Variants in SCHIP1 observed in about 807,000 individuals in gnomAD.
SCHIP1 encodes schwannomin interacting protein 1.
SCHIP1 carries 8 observed loss-of-function variants against 29.7 expected under a neutral mutation model. The observed-to-expected ratio is 0.27, with a 90% CI of 0.16 to 0.49. The LOEUF (loss-of-function observed/expected upper bound fraction) is 0.49. SCHIP1 is among the 20% of genes least tolerant of loss of function. SCHIP1 has a pLI of 0.99. For missense variants in SCHIP1, 193 were observed against 294.6 expected (o/e 0.66, Z 2.52); for synonymous variants, 76 against 94.9 (o/e 0.80, Z 1.16).
At chr3:159,465,603 G>A in the SCHIP1 span, among the ~76,000 whole-genome samples, 2 of 152,032 alleles carry the variant, frequency 1.3e-5, no homozygotes, top group African/African-American at 4.8e-5. Flanking sequence ...CTAAGGCAAA[G>A]CAAAGGTCAG....
chr3:159,827,301 T>C, the SCHIP1 span, among the ~76,000 whole-genome samples: 11 of 152,314 alleles, frequency 7.2e-5, no homozygotes, highest in South Asian at 2.1e-3. Flanking sequence ...AATTTCATTA[T>C]AACTAATAGC....
chr3:159,606,732 C>T, the SCHIP1 span, among the ~76,000 whole-genome samples: 4 of 152,052 alleles, frequency 2.6e-5, no homozygotes, highest in Admixed American at 6.6e-5. Flanking sequence ...TATAATCATG[C>T]GATAATACAG....
chr3:159,311,122 G>A, the SCHIP1 span, among the ~76,000 whole-genome samples: 10 of 152,124 alleles, frequency 6.6e-5, no homozygotes, highest in South Asian at 2.1e-4. Flanking sequence ...TTTAAATGAA[G>A]CTATTTTAAG....
the SCHIP1 span, among the ~76,000 whole-genome samples, chr3:159,354,649 G>T: frequency 2.0e-5 from 3 of 152,146 alleles, no homozygotes; most frequent in African/African-American, 7.2e-5. Context: ...CATCGAAGAA[G>T]GACTGATGAT....
the SCHIP1 span, among the ~76,000 whole-genome samples, chr3:159,773,745 G>GTA: frequency 1.2e-3 from 188 of 152,304 alleles, 1 homozygote; most frequent in African/African-American, 4.4e-3. Flanking sequence ...TCATCACTGT[G>GTA]TATATTTCTA....
chr3:159,430,171 A>T, the SCHIP1 span, among the ~76,000 whole-genome samples: 48 of 152,322 alleles, frequency 3.2e-4, no homozygotes, highest in African/African-American at 1.1e-3. Flanking sequence ...AGAAATGGGC[A>T]TCTGATTAGG....
chr3:159,765,370 G>C, the SCHIP1 span: 2 of 492,078 alleles, frequency 4.1e-6, no homozygotes, highest in Non-Finnish European at 6.9e-6. Context: ...GCAGCCAGAG[G>C]GCAGCGGAAA....
At chr3:159,855,978 GGT>G (rs1184572751) in intron 1 of SCHIP1, among the ~76,000 whole-genome samples, 1 of 152,126 alleles carries the variant, frequency 6.6e-6, no homozygotes, top group Admixed American at 6.5e-5. Context: ...AAGGACCTCT[GGT>G]TTATTCAATA....
the SCHIP1 span, among the ~76,000 whole-genome samples, chr3:159,753,865 C>G: frequency 6.6e-6 from 1 of 152,188 alleles, no homozygotes; most frequent in African/African-American, 2.4e-5. Context: ...AACCTTTATT[C>G]AAGCCTTTAT....
chr3:159,456,453 C>G, the SCHIP1 span, among the ~76,000 whole-genome samples: 5 of 151,962 alleles, frequency 3.3e-5, no homozygotes, highest in African/African-American at 1.2e-4. Flanking sequence ...TTATGTATGC[C>G]CAGAAAATTT....
the SCHIP1 span, among the ~76,000 whole-genome samples, chr3:159,525,963 T>C: frequency 6.6e-6 from 1 of 152,252 alleles, no homozygotes; most frequent in African/African-American, 2.4e-5. Flanking sequence ...TTTAATTCCT[T>C]GTAGTAACAC....
the SCHIP1 span, among the ~76,000 whole-genome samples, chr3:159,489,462 C>T: frequency 1.3e-5 from 2 of 152,182 alleles, no homozygotes; most frequent in Non-Finnish European, 2.9e-5. Flanking sequence ...ATTTACAGTA[C>T]AAATGCTTCA....
chr3:159,394,571 A>G, the SCHIP1 span, among the ~76,000 whole-genome samples: 2 of 152,142 alleles, frequency 1.3e-5, no homozygotes, highest in Non-Finnish European at 2.9e-5. Context: ...TATTGAAATA[A>G]TCATGTGGTT....
chr3:159,556,289 G>A, the SCHIP1 span, among the ~76,000 whole-genome samples: 5 of 152,030 alleles, frequency 3.3e-5, no homozygotes, highest in Non-Finnish European at 5.9e-5. Flanking sequence ...AGAGGATGTG[G>A]AGAAATAGGA....
At chr3:159,708,707 C>G in the SCHIP1 span, among the ~76,000 whole-genome samples, 19 of 152,110 alleles carry the variant, frequency 1.2e-4, no homozygotes, top group African/African-American at 4.6e-4. Context: ...GAGATGGTGA[C>G]GTACGCAGGA....
chr3:159,522,635 C>T, the SCHIP1 span, among the ~76,000 whole-genome samples: 1 of 152,180 alleles, frequency 6.6e-6, no homozygotes, highest in Admixed American at 6.5e-5. Context: ...CTTTAGGAGG[C>T]GGAGGCGGGC....
the SCHIP1 span, among the ~76,000 whole-genome samples, chr3:159,628,882 A>C: frequency 1.3e-5 from 2 of 152,238 alleles, no homozygotes; most frequent in Non-Finnish European, 2.9e-5. Context: ...TTTACTAAAA[A>C]TACAACATAA....
chr3:159,623,258 A>AT, the SCHIP1 span, among the ~76,000 whole-genome samples: 1 of 152,346 alleles, frequency 6.6e-6, no homozygotes, highest in South Asian at 2.1e-4. Flanking sequence ...GAAAGGAAAT[A>AT]TTTTTAAAGT....
intron 2 of SCHIP1, among the ~76,000 whole-genome samples, chr3:159,881,177 T>C (rs1016159098): frequency 1.3e-5 from 2 of 152,236 alleles, no homozygotes; most frequent in African/African-American, 2.4e-5. Context: ...TCATGACAGA[T>C]TCTCAGAAAA....
Sources: allele counts gnomAD v4.1 joint callset (sites outside exome capture counted in the v4.1 genomes callset), GRCh38; gene constraint gnomAD v4.1.1; transcripts MANE v1.5; gene names NCBI Gene and HGNC (gene_info 2026-07-23, HGNC 2026-07-21).